SYNJ2BP: variants seen among roughly 807,000 people sequenced by gnomAD.
The protein encoded by SYNJ2BP is synaptojanin 2 binding protein.
SYNJ2BP carries 10 observed loss-of-function variants against 16.9 expected under a neutral mutation model. That is an observed-to-expected ratio of 0.59 (90% CI 0.36 to 1.00). The LOEUF (loss-of-function observed/expected upper bound fraction) is 1.00. Ranked by LOEUF, SYNJ2BP falls within the 50% of genes least tolerant of loss-of-function variation. SYNJ2BP has a pLI of 0.01. For synonymous variants in SYNJ2BP, 54 were observed against 68.4 expected, an observed-to-expected ratio of 0.79 and a Z score of 1.04; for missense variants, 162 against 186.7, an observed-to-expected ratio of 0.87 and a Z score of 0.77.
At chr14:70,383,187 G>T (rs936542001) in intron 2 of SYNJ2BP, among the ~76,000 whole-genome samples, 3 of 152,162 alleles carry the variant, frequency 2.0e-5, no homozygotes, top group African/African-American at 7.2e-5. Flanking sequence ...CCAGGTACAG[G>T]ACTAGATGCT....
Position 70,369,741 on chromosome 14 carries a change from T to A in SYNJ2BP, c.*3250A>T, listed in dbSNP as rs1431728179. 1 of 152,234 alleles carries A rather than the reference T, an allele frequency of 6.6e-6. No individual in the cohort carries two copies. The highest frequency in any genetic ancestry group is 1.5e-5 in the Non-Finnish European group (1 of 68,038). 9.4% of individuals were successfully genotyped at this position (152,234 alleles called of 1,614,324 possible). On this transcript the variant is annotated 3_prime_UTR_variant, in exon 4 of 4. Transcript: ENST00000256366. ...ACAATTAAGTTAAATCGATAACACATAAGTTGAAACTTCACAGGAAAACAA... is the reference window on the plus strand; with the variant it reads ...ACAATTAAGTTAAATCGATAACACAAAAGTTGAAACTTCACAGGAAAACAA...
At chr14:70,389,742 T>C (rs1472011450) in intron 1 of SYNJ2BP, among the ~76,000 whole-genome samples, 1 of 152,214 alleles carries the variant, frequency 6.6e-6, no homozygotes, top group African/African-American at 2.4e-5. Flanking sequence ...TTTCAGATTT[T>C]TGGATTTGGG....
intron 1 of SYNJ2BP, among the ~76,000 whole-genome samples, chr14:70,407,611 T>C (rs906181782): frequency 1.3e-5 from 2 of 152,206 alleles, no homozygotes; most frequent in African/African-American, 4.8e-5. Flanking sequence ...GATAAAATGA[T>C]TTTTAAATAA....
rs1404567276 is a variant in SYNJ2BP, at chr14:70,370,771, T to G, written c.*2220A>C. On this transcript the variant is annotated 3_prime_UTR_variant, in exon 4 of 4. Coordinates refer to ENST00000256366, the MANE Select transcript of SYNJ2BP (RefSeq NM_018373.3). ...CTTCTCACCTGTTTATGAATTCTCT[T>G]AACTAGGCTGTGAGGCCCTTAAGGG... 1 of 152,238 alleles carries G rather than the reference T, an allele frequency of 6.6e-6. No homozygotes were observed. The highest frequency in any genetic ancestry group is 2.4e-5 in the African/African-American group (1 of 41,462). The allele number at this position is 152,238 out of a possible 1,614,324, so 9.4% of individuals were successfully genotyped here.
rs115524800 is a variant in SYNJ2BP at position 70,409,597 on chromosome 14, G to A, written c.64+7303C>T. On this transcript the variant is annotated intron_variant, in intron 1 of 3. Transcript: ENST00000256366. The stretch of plus-strand genomic sequence containing the variant: ...TGAAAAGATCTTAATACTGATCCTT[G>A]AAGCAATCTTTAGAGAACTGTTCCA... Among the ~76,000 whole-genome samples the A allele has an allele frequency of 1.6e-3, 240 of 152,216 alleles. 2 individuals are homozygous for A. Among genetic ancestry groups the A allele is most frequent in the African/African-American group, 4.7e-3 (194 of 41,534 alleles).
chr14:70,405,885 G>C (rs1264254892), intron 1 of SYNJ2BP, among the ~76,000 whole-genome samples: 1 of 152,150 alleles, frequency 6.6e-6, no homozygotes, highest in Non-Finnish European at 1.5e-5. Flanking sequence ...TTGATTGTTT[G>C]GGAAACCAAG....
At chr14:70,384,349 A>G (rs1887814289) in intron 2 of SYNJ2BP, among the ~76,000 whole-genome samples, 1 of 152,196 alleles carries the variant, frequency 6.6e-6, no homozygotes, top group Admixed American at 6.5e-5. Context: ...AATACATAAA[A>G]ACTAAATGAG....
At chr14:70,399,613 T>TCAGTGCCCATGCCTCCCCGCTGC (rs375419552) in intron 1 of SYNJ2BP, among the ~76,000 whole-genome samples, 2 of 152,184 alleles carry the variant, frequency 1.3e-5, no homozygotes, top group African/African-American at 4.8e-5. Flanking sequence ...ACTCCTGCTG[T>TCAGTGCCCATGCCTCCCCGCTGC]CACTGCCCAC....
intron 3 of SYNJ2BP, among the ~76,000 whole-genome samples, chr14:70,374,498 A>T (rs1025837052): frequency 1.3e-5 from 2 of 152,170 alleles, no homozygotes; most frequent in African/African-American, 4.8e-5. Context: ...GGCACATGGA[A>T]CCTGTTTTGT....
chr14:70,405,762 A>C (rs1888332322), intron 1 of SYNJ2BP, among the ~76,000 whole-genome samples: 1 of 152,224 alleles, frequency 6.6e-6, no homozygotes, highest in Non-Finnish European at 1.5e-5. Context: ...TCTCTTTTAA[A>C]CAATATTTTC....
At chr14:70,397,952 A>T (rs1485169012) in intron 1 of SYNJ2BP, among the ~76,000 whole-genome samples, 1 of 152,244 alleles carries the variant, frequency 6.6e-6, no homozygotes. Flanking sequence ...TCCTTTCAGC[A>T]TCCAGGGTGT....
intron 1 of SYNJ2BP, among the ~76,000 whole-genome samples, chr14:70,392,127 C>T (rs1259458747): frequency 6.6e-6 from 1 of 152,212 alleles, no homozygotes; most frequent in African/African-American, 2.4e-5. Flanking sequence ...AAACTGCACA[C>T]TCCCTGCTTT....
chr14:70,414,614 T>C (rs527817228), intron 1 of SYNJ2BP, among the ~76,000 whole-genome samples: 44 of 152,318 alleles, frequency 2.9e-4, no homozygotes, highest in African/African-American at 1.0e-3. Flanking sequence ...GAAAATACTT[T>C]GGATGCCAGA....
chr14:70,380,626 T>C (rs972746717), intron 2 of SYNJ2BP, among the ~76,000 whole-genome samples: 22 of 147,030 alleles, frequency 1.5e-4, no homozygotes, highest in Admixed American at 4.1e-4. Flanking sequence ...TGTGCCACTG[T>C]ACTCCAGCCT....
intron 1 of SYNJ2BP, among the ~76,000 whole-genome samples, chr14:70,402,972 G>T (rs10131943): frequency 0.68 from 104,158 of 152,056 alleles, 36,228 homozygotes; most frequent in Non-Finnish European, 0.75. Context: ...GCTTAAAGTT[G>T]ACATAACAAA....
intron 3 of SYNJ2BP, 33 bp from the exon 4 acceptor site, chr14:70,373,164 A>C (rs1467422062): frequency 1.1e-5 from 17 of 1,611,358 alleles, no homozygotes; most frequent in Non-Finnish European, 1.4e-5. Context: ...AACTCTAGTG[A>C]CTAATGTGTG....
intron 1 of SYNJ2BP, among the ~76,000 whole-genome samples, chr14:70,409,204 A>G (rs1278952294): frequency 6.6e-6 from 1 of 152,194 alleles, no homozygotes; most frequent in Non-Finnish European, 1.5e-5. Flanking sequence ...CAAGAGCCAC[A>G]ATGCCTGGCT....
At chr14:70,400,283 T>C (rs2140857953) in intron 1 of SYNJ2BP, among the ~76,000 whole-genome samples, 1 of 152,334 alleles carries the variant, frequency 6.6e-6, no homozygotes, top group East Asian at 1.9e-4. Flanking sequence ...CCTCTGTGGA[T>C]TACAATAACC....
chr14:70,379,595 G>A (rs556257000), intron 2 of SYNJ2BP, among the ~76,000 whole-genome samples: 54 of 152,250 alleles, frequency 3.5e-4, no homozygotes, highest in African/African-American at 1.1e-3. Context: ...TTTTCTAGTC[G>A]AGGGACTTTA....
Sources: gnomAD v4.1 joint callset for allele counts (sites outside exome capture counted in the v4.1 genomes callset) on GRCh38, gnomAD v4.1.1 for gene constraint, MANE v1.5 for transcripts, NCBI Gene and HGNC (gene_info 2026-07-23, HGNC 2026-07-21) for gene names.